Variants in SEC14L5 observed in about 807,000 individuals in gnomAD.
SEC14L5 encodes the protein SEC14-like protein 5.
In SEC14L5, 96 loss-of-function variants were observed where a neutral mutation model predicts 84.6. The observed-to-expected ratio is 1.13, with a 90% CI of 0.96 to 1.34. The LOEUF is 1.34. Among genes scored for constraint, SEC14L5 ranks in the 40% most tolerant of loss-of-function variants. SEC14L5 has a pLI of 0.00. For missense variants in SEC14L5, 1,224 were observed against 942.5 expected (o/e 1.30, Z -3.91); for synonymous variants, 546 against 383.4 (o/e 1.42, Z -4.95).
chr16:4,990,754 G>A lies in SEC14L5; in HGVS notation c.346-13G>A, dbSNP rs754221409. The A allele has an allele frequency of 1.9e-6, 3 of 1,602,794 alleles. No homozygotes were observed. In the South Asian group the frequency reaches 3.4e-5, roughly 18 times the overall value. On this transcript the variant is annotated splice_polypyrimidine_tract_variant and intron_variant, in intron 4 of 15. Coordinates refer to ENST00000251170, the MANE Select transcript of SEC14L5 (RefSeq NM_014692.2). ...ACATTGAGTCCCTGGCATGACCCCT[G>A]CCTGGCTTTCAGGTCCACCCTGAGA... is the stretch of plus-strand genomic sequence containing the variant.
At chr16:4,980,055 A>C (rs1955401816) in intron 2 of SEC14L5, among the ~76,000 whole-genome samples, 1 of 152,122 alleles carries the variant, frequency 6.6e-6, no homozygotes, top group African/African-American at 2.4e-5. Flanking sequence ...CGCCAATCCC[A>C]CCACTCCCCG....
At chr16:5,008,777 C>A in intron 14 of SEC14L5, 129 bp downstream of exon 14, 1 of 789,904 alleles carries the variant, frequency 1.3e-6, no homozygotes, top group Non-Finnish European at 2.1e-6. Context: ...CCCTGCAGGA[C>A]AGGGCAGAGG....
chr16:4,971,978 T>C (rs1322443342), intron 2 of SEC14L5, among the ~76,000 whole-genome samples: 1 of 151,574 alleles, frequency 6.6e-6, no homozygotes, highest in South Asian at 2.1e-4. Flanking sequence ...TTCCAAACCA[T>C]GACAAATGCT....
At chr16:4,964,007 A>G (rs1481574295) in intron 2 of SEC14L5, among the ~76,000 whole-genome samples, 1 of 152,168 alleles carries the variant, frequency 6.6e-6, no homozygotes, top group African/African-American at 2.4e-5. Flanking sequence ...TCTTGATAGC[A>G]TTCCGTATCA....
intron 14 of SEC14L5, among the ~76,000 whole-genome samples, chr16:5,010,735 G>T (rs1224686865): frequency 6.6e-6 from 1 of 152,136 alleles, no homozygotes; most frequent in Non-Finnish European, 1.5e-5. Flanking sequence ...GCACCTGTGA[G>T]CTCCCGGCCC....
intron 2 of SEC14L5, among the ~76,000 whole-genome samples, chr16:4,984,084 C>A (rs1955460068): frequency 1.3e-5 from 2 of 152,042 alleles, no homozygotes; most frequent in Non-Finnish European, 2.9e-5. Context: ...TCAGTAGATT[C>A]ATAATATTGT....
rs1389640173 is a variant in SEC14L5 at position 5,016,858 on chromosome 16, G to A, written c.*1888G>A. 6.6e-6 allele frequency: 1 copy of A among 152,186 alleles called. No individual in the cohort carries two copies. Among genetic ancestry groups the A allele is most frequent in the East Asian group, 1.9e-4 (1 of 5,192 alleles). 9.4% of individuals were successfully genotyped at this position (152,186 alleles called of 1,614,324 possible). On this transcript the variant is annotated 3_prime_UTR_variant, in exon 16 of 16. Transcript: ENST00000251170. ...CTGTTGGCTCTCTGTCCGCTTCTCA[G>A]GTATCTGAACAAAATAGATTGCTTT...
Position 5,007,602 on chromosome 16 carries a change from CTTTCTT to C in SEC14L5, c.1572+120_1572+125del. 69 of 767,590 alleles carry C rather than the reference CTTTCTT, an allele frequency of 9.0e-5. No homozygotes were observed. In the East Asian group the frequency reaches 1.3e-3, roughly 15 times the overall value. 47.5% of individuals were successfully genotyped at this position (767,590 alleles called of 1,614,324 possible). On this transcript the variant is annotated intron_variant, in intron 13 of 15. Transcript: ENST00000251170. ...TCTTTTTTCTTTTCTTTCTTTCTTT[CTTTCTT>C]TTTTTTTTTTTTTTTGGGATGGAGT... is the stretch of plus-strand genomic sequence containing the variant.
At chr16:4,979,508 A>G (rs1208531746) in intron 2 of SEC14L5, among the ~76,000 whole-genome samples, 1 of 152,182 alleles carries the variant, frequency 6.6e-6, no homozygotes, top group Non-Finnish European at 1.5e-5. Context: ...TACTGCAATG[A>G]TGGTTAGGCT....
Position 4,994,813 on chromosome 16 carries a change from G to A in SEC14L5, c.668-1535G>A, listed in dbSNP as rs1392466646. Among the ~76,000 whole-genome samples the A allele has an allele frequency of 3.3e-5, 5 of 152,140 alleles. No individual in the cohort carries two copies. In the East Asian group the frequency reaches 9.7e-4, roughly 29 times the overall value. On this transcript the variant is annotated intron_variant, in intron 6 of 15. Coordinates refer to ENST00000251170, the MANE Select transcript of SEC14L5 (RefSeq NM_014692.2). ...TCTCCATCTGTGCTGTCCGCCAGCAGCACAGGCACTCAGGGTGGCGGGCAG... is the reference window on the plus strand; with the variant it reads ...TCTCCATCTGTGCTGTCCGCCAGCAACACAGGCACTCAGGGTGGCGGGCAG...
intron 2 of SEC14L5, among the ~76,000 whole-genome samples, chr16:4,978,804 C>T (rs868382867): frequency 8.6e-5 from 13 of 152,044 alleles, no homozygotes; most frequent in South Asian, 2.1e-4. Context: ...GGTTTCACCG[C>T]GTTAGCCAGG....
chr16:4,992,015 G>T lies in SEC14L5; in HGVS notation c.652G>T (p.Ala218Ser). The change falls in exon 6 of 16, where the codon GCG (alanine) becomes TCG (serine). Residue 218 changes from alanine to serine, a missense_variant. Physicochemically the swap from Ala to Ser is moderately conservative, Grantham distance 99. Transcript: ENST00000251170. ...TAGCACCCTGGGGCCCGCTCTGGAG[G>T]CGGTCAGTATGGACGGTAGGTGGTA... ...PRSTLGPALE[A>S]VSMDGDKLDA... The T allele has an allele frequency of 6.4e-7, 1 of 1,573,608 alleles. No homozygotes were observed. The highest frequency in any genetic ancestry group is 8.6e-7 in the Non-Finnish European group (1 of 1,166,602).
rs549501258 is a variant in SEC14L5, at chr16:5,000,644, C to A, written c.971-11C>A. ...ACGGGCTCTTCTTTCTGCTTGGCCC[C>A]ATCCACAAAGATGGCCGCCCCCTCT... On this transcript the variant is annotated splice_polypyrimidine_tract_variant and intron_variant, in intron 8 of 15. Transcript: ENST00000251170. The A allele has an allele frequency of 2.0e-5, 31 of 1,548,832 alleles. 1 individual carries two copies. The South Asian group carries it at 3.7e-4, about 18-fold the overall frequency.
At chr16:5,002,316 T>TA (rs34071770) in intron 10 of SEC14L5, among the ~76,000 whole-genome samples, 3 of 150,636 alleles carry the variant, frequency 2.0e-5, no homozygotes, top group Non-Finnish European at 4.4e-5. Context: ...TTTTTTTTTT[T>TA]GACAGAGTCT....
intron 14 of SEC14L5, among the ~76,000 whole-genome samples, chr16:5,010,348 A>G (rs1955785384): frequency 6.6e-6 from 1 of 151,822 alleles, no homozygotes; most frequent in Non-Finnish European, 1.5e-5. Context: ...TGAGTGAAAG[A>G]GTGAAACTCC....
At chr16:4,998,395 A>G (rs1955636632) in intron 8 of SEC14L5, among the ~76,000 whole-genome samples, 1 of 151,860 alleles carries the variant, frequency 6.6e-6, no homozygotes, top group South Asian at 2.1e-4. Flanking sequence ...TTTAAGTTAA[A>G]TTGCCACTGA....
intron 8 of SEC14L5, among the ~76,000 whole-genome samples, chr16:4,997,273 T>A (rs1206252541): frequency 6.6e-6 from 1 of 152,194 alleles, no homozygotes; most frequent in African/African-American, 2.4e-5. Context: ...TAATTTTTTG[T>A]ATTTTTAGTA....
chr16:4,982,782 A>C (rs982829319), intron 2 of SEC14L5, among the ~76,000 whole-genome samples: 1 of 152,176 alleles, frequency 6.6e-6, no homozygotes, highest in African/African-American at 2.4e-5. Flanking sequence ...GGGCACTGAG[A>C]GGTTAAGTAA....
At chr16:5,008,389 G>C in intron 13 of SEC14L5, 32 bp from the exon 14 acceptor site, 1 of 1,521,522 alleles carries the variant, frequency 6.6e-7, no homozygotes, top group Non-Finnish European at 9.0e-7. Context: ...TCTCTCGGCC[G>C]TGACTCTCAG....
Sources: gnomAD v4.1 joint callset for allele counts (sites outside exome capture counted in the v4.1 genomes callset) on GRCh38, gnomAD v4.1.1 for gene constraint, MANE v1.5 for transcripts, NCBI Gene and HGNC (gene_info 2026-07-23, HGNC 2026-07-21) for gene names.